The following ITPKB variants were observed in gnomAD, a reference collection of about 807,000 sequenced individuals.
ITPKB encodes the protein IP3 3-kinase B.
A neutral mutation model predicts 69.4 loss-of-function variants in ITPKB; 13 were observed. The ratio of observed to expected loss-of-function variants is 0.19; its 90% CI spans 0.12 to 0.30. The LOEUF (loss-of-function observed/expected upper bound fraction) is 0.30. Among genes scored for constraint, ITPKB ranks in the 10% least tolerant of loss-of-function variants. The pLI, the probability that ITPKB is intolerant of heterozygous loss-of-function variation, is 1.00. For synonymous variants in ITPKB, 584 were observed against 513.7 expected, an observed-to-expected ratio of 1.14 and a Z score of -1.85; for missense variants, 1,240 against 1,250.5, an observed-to-expected ratio of 0.99 and a Z score of 0.13.
intron 2 of ITPKB, among the ~76,000 whole-genome samples, chr1:226,657,496 T>C (rs1401767654): frequency 6.6e-6 from 1 of 152,196 alleles, no homozygotes; most frequent in East Asian, 1.9e-4. Flanking sequence ...GTTGTTGTTG[T>C]TGGGTAAAAG....
In ITPKB at chr1:226,634,956, C is replaced by G. The variant is rs960492082; in HGVS notation, c.2626-70G>C. ...CGCCCTCCCCACTGCGGCCCGGGGCCTGGGTGACCAGGTGGGGAGGCTCGC... is the reference window on the plus strand; with the variant it reads ...CGCCCTCCCCACTGCGGCCCGGGGCGTGGGTGACCAGGTGGGGAGGCTCGC... On this transcript the variant is annotated intron_variant, in intron 7 of 7. Transcript: ENST00000429204. The surrounding 1 kb of genome is among the most constrained non-coding windows in gnomAD (Gnocchi z 6.3). 2 of 1,261,894 alleles carry G rather than the reference C, an allele frequency of 1.6e-6. No homozygotes were observed. The highest frequency in any genetic ancestry group is 3.0e-5 in the African/African-American group (2 of 67,422). 78.2% of individuals were successfully genotyped at this position (1,261,894 alleles called of 1,614,324 possible).
At chr1:226,723,534 G>A (rs753010801) in intron 2 of ITPKB, among the ~76,000 whole-genome samples, 3 of 152,066 alleles carry the variant, frequency 2.0e-5, no homozygotes, top group Non-Finnish European at 4.4e-5. Flanking sequence ...AAGCCACACC[G>A]ATACAGAGTA....
At chr1:226,644,347 C>T (rs906463017) in intron 4 of ITPKB, among the ~76,000 whole-genome samples, 3 of 152,190 alleles carry the variant, frequency 2.0e-5, no homozygotes, top group South Asian at 2.1e-4. Flanking sequence ...GAGACCTGCT[C>T]GCCCACTCAC....
Position 226,634,461 on chromosome 1 carries a change from C to T in ITPKB, c.*210G>A. 1 of 574,736 alleles carries T rather than the reference C, an allele frequency of 1.7e-6. No homozygotes were observed. The allele number at this position is 574,736 out of a possible 1,614,324, so 35.6% of individuals were successfully genotyped here. On this transcript the variant is annotated 3_prime_UTR_variant, in exon 8 of 8. Transcript: ENST00000429204. The surrounding 1 kb of genome is among the most constrained non-coding windows in gnomAD (Gnocchi z 6.3). ...TGGGCATTTCTCTTCTAGTAGGTGA[C>T]CCTCTCTACAAAAAGCAGTGCAAAC...
intron 2 of ITPKB, among the ~76,000 whole-genome samples, chr1:226,682,869 G>C (rs899970353): frequency 6.6e-6 from 1 of 152,168 alleles, no homozygotes; most frequent in Non-Finnish European, 1.5e-5. Flanking sequence ...TCTGCAAGTT[G>C]AGCCTCAGGA....
At chr1:226,687,194 C>G (rs760784318) in intron 2 of ITPKB, among the ~76,000 whole-genome samples, 1 of 152,150 alleles carries the variant, frequency 6.6e-6, no homozygotes, top group African/African-American at 2.4e-5. Flanking sequence ...CAGAGTGGAA[C>G]AAAATAAAAT....
In ITPKB at chr1:226,639,676, C is replaced by T. The variant is rs1668910659; in HGVS notation, c.2452-18G>A. On this transcript the variant is annotated intron_variant, in intron 5 of 7. Coordinates refer to ENST00000429204, the MANE Select transcript of ITPKB (RefSeq NM_002221.4). ...TCTTCTTTCTGAGAAAGAGAACACCCCACCCAGGAGGGGGTCAGCAGGGAC... is the reference window on the plus strand; with the variant it reads ...TCTTCTTTCTGAGAAAGAGAACACCTCACCCAGGAGGGGGTCAGCAGGGAC... 2 of 1,570,948 alleles carry T rather than the reference C, an allele frequency of 1.3e-6. No homozygotes were observed. Among genetic ancestry groups the T allele is most frequent in the African/African-American group, 2.7e-5 (2 of 73,990 alleles).
At chr1:226,691,092 A>G (rs560139549) in intron 2 of ITPKB, among the ~76,000 whole-genome samples, 3 of 152,306 alleles carry the variant, frequency 2.0e-5, no homozygotes, top group African/African-American at 7.2e-5. Flanking sequence ...TTTAATGGGT[A>G]GTTTCAGTTT....
intron 2 of ITPKB, among the ~76,000 whole-genome samples, chr1:226,662,873 G>C (rs552029934): frequency 1.4e-4 from 22 of 152,324 alleles, no homozygotes; most frequent in Non-Finnish European, 2.9e-4. Context: ...GCTTTCCAAA[G>C]AAGCATCTGC....
chr1:226,736,418 C>A lies in ITPKB; in HGVS notation c.1041G>T (p.Gly347=), dbSNP rs929110745. The A allele has an allele frequency of 6.2e-7, 1 of 1,612,794 alleles. No individual in the cohort carries two copies. The highest frequency in any genetic ancestry group is 8.5e-7 in the Non-Finnish European group (1 of 1,180,000). ...QPPEALVERQ[G]QFLGSETSPA... ...GGCTTGTCTCACTGCCCAGAAACTG[C>A]CCCTGCCTCTCCACCAGGGCCTCTG... The change falls in exon 2 of 8, where the codon GGG becomes GGT. Residue 347 remains glycine (G), a synonymous_variant. Transcript: ENST00000429204.
Position 226,642,324 on chromosome 1 carries a change from T to C in ITPKB, c.2247-199A>G, listed in dbSNP as rs1391106119. 2.0e-5 allele frequency among the ~76,000 whole-genome samples: 3 copies of C among 152,020 alleles called. No individual in the cohort carries two copies. The highest frequency in any genetic ancestry group is 4.4e-5 in the Non-Finnish European group (3 of 67,978). On this transcript the variant is annotated intron_variant, in intron 4 of 7. Coordinates refer to ENST00000429204, the MANE Select transcript of ITPKB (RefSeq NM_002221.4). The surrounding 1 kb of genome is among the most constrained non-coding windows in gnomAD (Gnocchi z 6.4). ...CTGGGGCTGGCTCTAATTTTTCTTTTCTTTTTTTTTTAGACAATTTTTTTA... is the reference window on the plus strand; with the variant it reads ...CTGGGGCTGGCTCTAATTTTTCTTTCCTTTTTTTTTTAGACAATTTTTTTA...
chr1:226,632,648 T>G lies in ITPKB; in HGVS notation c.*2023A>C, dbSNP rs1045468239. 1 of 152,674 alleles carries G rather than the reference T, an allele frequency of 6.5e-6. No homozygotes were observed. The highest frequency in any genetic ancestry group is 2.4e-5 in the African/African-American group (1 of 41,460). The allele number at this position is 152,674 out of a possible 1,614,324, so 9.5% of individuals were successfully genotyped here. A position where few individuals can be genotyped will look rare whatever the true frequency, so the allele number is the denominator to read the frequency against. ...CAATAAGAGGCCCCATGGGCCTCCT[T>G]TAATAAGCACATCATTTGCATATTA... On this transcript the variant is annotated 3_prime_UTR_variant, in exon 8 of 8. Coordinates refer to ENST00000429204, the MANE Select transcript of ITPKB (RefSeq NM_002221.4).
chr1:226,658,738 C>T (rs532730075), intron 2 of ITPKB, among the ~76,000 whole-genome samples: 5 of 152,180 alleles, frequency 3.3e-5, no homozygotes, highest in Admixed American at 1.3e-4. Flanking sequence ...TCTTCTCCCC[C>T]GCCCTTTATG....
At chr1:226,680,288 T>A (rs58091460) in intron 2 of ITPKB, among the ~76,000 whole-genome samples, 1 of 152,164 alleles carries the variant, frequency 6.6e-6, no homozygotes, top group Non-Finnish European at 1.5e-5. Context: ...CAAATCAGCA[T>A]GACCCCAAAA....
intron 2 of ITPKB, among the ~76,000 whole-genome samples, chr1:226,697,104 G>C (rs1656507839): frequency 6.6e-6 from 1 of 152,248 alleles, no homozygotes; most frequent in Admixed American, 6.5e-5. Flanking sequence ...ATAGAATATA[G>C]TTCACCAAAG....
chr1:226,662,797 C>T (rs1482263088), intron 2 of ITPKB, among the ~76,000 whole-genome samples: 1 of 152,204 alleles, frequency 6.6e-6, no homozygotes, highest in Non-Finnish European at 1.5e-5. Context: ...GCTGATGTGC[C>T]TGTGGCTAAA....
chr1:226,647,544 A>G (rs2102745250), intron 3 of ITPKB, among the ~76,000 whole-genome samples, 164 bp from the exon 4 acceptor site: 1 of 152,282 alleles, frequency 6.6e-6, no homozygotes, highest in South Asian at 2.1e-4. Flanking sequence ...GAGTGGGTTC[A>G]AGACCTAGTC....
At chr1:226,664,014 G>A (rs1466423537) in intron 2 of ITPKB, among the ~76,000 whole-genome samples, 1 of 152,106 alleles carries the variant, frequency 6.6e-6, no homozygotes, top group East Asian at 1.9e-4. Context: ...ACAGAGCATC[G>A]ACATCCGTAG....
chr1:226,648,113 T>C (rs1669100189), intron 3 of ITPKB, among the ~76,000 whole-genome samples: 1 of 152,078 alleles, frequency 6.6e-6, no homozygotes, highest in Non-Finnish European at 1.5e-5. Context: ...CGGCACTGCC[T>C]GGACTCAGCT....
Sources: gnomAD v4.1 joint callset for allele counts (sites outside exome capture counted in the v4.1 genomes callset) on GRCh38, gnomAD v4.1.1 for gene constraint, Gnocchi (gnomAD v3.1) non-coding constraint, MANE v1.5 for transcripts, NCBI Gene and HGNC (gene_info 2026-07-23, HGNC 2026-07-21) for gene names.